The following DISC1 variants were observed in gnomAD, a reference collection of about 807,000 sequenced individuals.
The protein encoded by DISC1 is DISC1 scaffold protein.
In DISC1, 57 loss-of-function variants were observed where a neutral mutation model predicts 84.5. The observed-to-expected ratio is 0.67, with a 90% confidence interval of 0.55 to 0.84. The LOEUF is 0.84. DISC1 is among the 40% of genes least tolerant of loss of function. The probability of loss-of-function intolerance (pLI) is 0.00; values close to 1 mark genes in which losing one functional copy is unlikely to be tolerated. For synonymous variants in DISC1, 411 were observed against 415.2 expected (o/e 0.99, Z 0.12); for missense variants, 1,000 against 1,057.8 (o/e 0.95, Z 0.76).
intron 8 of DISC1, among the ~76,000 whole-genome samples, chr1:231,807,899 A>G (rs2079875901): frequency 6.6e-6 from 1 of 152,216 alleles, no homozygotes; most frequent in South Asian, 2.1e-4. Flanking sequence ...TATCCAGGGC[A>G]CCCAAGCTGC....
chr1:231,707,624 T>G (rs200769719), intron 3 of DISC1, among the ~76,000 whole-genome samples: 9 of 152,178 alleles, frequency 5.9e-5, no homozygotes, highest in Non-Finnish European at 1.3e-4. Context: ...CTGCCCTTAA[T>G]TTACAGAATT....
chr1:231,720,447 TCC>T (rs2069501183), intron 3 of DISC1, among the ~76,000 whole-genome samples: 1 of 152,164 alleles, frequency 6.6e-6, no homozygotes, highest in Non-Finnish European at 1.5e-5. Context: ...TAGGCGATCC[TCC>T]TGCCTCAGCC....
At chr1:231,894,745 TTGTGTGTGTGTGTG>T (rs3222846) in intron 9 of DISC1, among the ~76,000 whole-genome samples, 9 of 144,486 alleles carry the variant, frequency 6.2e-5, no homozygotes, top group East Asian at 2.1e-4. Flanking sequence ...GTGTCATCTG[TTGTGTGTGTGTGTG>T]TGTGTGTGTG....
At chr1:231,707,713 TTATGA>T (rs2067260321) in intron 3 of DISC1, among the ~76,000 whole-genome samples, 1 of 137,618 alleles carries the variant, frequency 7.3e-6, no homozygotes, top group Non-Finnish European at 1.7e-5. Context: ...TTTCCTCTTT[TTATGA>T]TATGTTTGTT....
rs762995357 is a variant in DISC1 at position 232,036,763 on chromosome 1, A to C, written c.2497A>C (p.Lys833Gln). The C allele has an allele frequency of 4.7e-5, 76 of 1,607,264 alleles. No individual in the cohort carries two copies. Among genetic ancestry groups the C allele is most frequent in the Non-Finnish European group, 6.4e-5 (75 of 1,175,586 alleles). The change falls in exon 13 of 13, where the codon AAG becomes CAG. Residue 833 changes from lysine (K) to glutamine (Q), a missense_variant. By Grantham distance (53) the Lys-to-Gln change is moderately conservative. This residue lies in a region of DISC1 where 397 missense variants were observed against 377.5 expected (regional missense o/e 1.05). Coordinates refer to ENST00000439617, the MANE Select transcript of DISC1 (RefSeq NM_018662.3). ...QAMILQLQPAKEAGEREAAAS... is the reference protein window; with the variant it reads ...QAMILQLQPAQEAGEREAAAS... ...CATGATCCTGCAGCTCCAGCCAGCA[A>C]AGGAGGCGGGAGAAAGAGAAGCTGC...
intron 8 of DISC1, among the ~76,000 whole-genome samples, chr1:231,816,902 ATTC>A (rs2081052360): frequency 6.7e-6 from 1 of 150,296 alleles, no homozygotes; most frequent in African/African-American, 2.5e-5. Context: ...ATTCTTCTTC[ATTC>A]TTCTTCGTCT....
intron 10 of DISC1, among the ~76,000 whole-genome samples, chr1:231,988,333 C>A (rs538425449): frequency 2.0e-4 from 31 of 152,188 alleles, no homozygotes; most frequent in Non-Finnish European, 3.8e-4. Flanking sequence ...TAATAATATT[C>A]CCCAAGTGAT....
intron 9 of DISC1, among the ~76,000 whole-genome samples, chr1:231,848,316 G>A (rs1168482010): frequency 1.3e-5 from 2 of 152,140 alleles, no homozygotes; most frequent in Non-Finnish European, 2.9e-5. Flanking sequence ...TGCAGTGTTT[G>A]CACATAGAAG....
chr1:231,792,120 T>C (rs997035953), intron 6 of DISC1, among the ~76,000 whole-genome samples: 1 of 152,192 alleles, frequency 6.6e-6, no homozygotes, highest in African/African-American at 2.4e-5. Flanking sequence ...ACAACTAATG[T>C]TAATAGTAGC....
intron 10 of DISC1, among the ~76,000 whole-genome samples, chr1:232,002,595 G>GCA (rs55740228): frequency 0.14 from 19,391 of 143,336 alleles, 1,385 homozygotes; most frequent in Middle Eastern, 0.26. Context: ...ATTATGCTGA[G>GCA]CACACACACA....
intron 9 of DISC1, among the ~76,000 whole-genome samples, chr1:231,827,749 G>A (rs541577746): frequency 5.9e-5 from 9 of 152,308 alleles, no homozygotes; most frequent in Admixed American, 1.3e-4. Context: ...GATGGCCACT[G>A]TGTCTAATCC....
intron 8 of DISC1, among the ~76,000 whole-genome samples, chr1:231,801,869 A>G (rs1285542094): frequency 5.3e-5 from 8 of 150,138 alleles, no homozygotes; most frequent in African/African-American, 1.7e-4. Context: ...CCCAGGCTAG[A>G]GTGCAATGGC....
intron 10 of DISC1, among the ~76,000 whole-genome samples, chr1:231,977,198 G>T (rs1295404045): frequency 1.3e-5 from 2 of 152,150 alleles, no homozygotes; most frequent in African/African-American, 4.8e-5. Flanking sequence ...CCTCCCACCT[G>T]CTTTCCTACC....
intron 1 of DISC1, among the ~76,000 whole-genome samples, chr1:231,632,353 C>T (rs1359811641): frequency 6.6e-6 from 1 of 152,190 alleles, no homozygotes; most frequent in Non-Finnish European, 1.5e-5. Flanking sequence ...TGTGCTTGCT[C>T]ATCATAAAAA....
At chr1:231,802,249 G>A (rs2079328146) in intron 8 of DISC1, among the ~76,000 whole-genome samples, 1 of 152,138 alleles carries the variant, frequency 6.6e-6, no homozygotes, top group Non-Finnish European at 1.5e-5. Context: ...GGAGGTGTTT[G>A]GATCATGAGG....
chr1:231,820,684 G>A (rs536862617), intron 9 of DISC1, among the ~76,000 whole-genome samples: 1 of 152,206 alleles, frequency 6.6e-6, no homozygotes, highest in South Asian at 2.1e-4. Flanking sequence ...GCATGTCCAA[G>A]TCCAGTCAGA....
intron 9 of DISC1, among the ~76,000 whole-genome samples, chr1:231,856,020 T>C (rs1162324635): frequency 6.6e-6 from 1 of 152,204 alleles, no homozygotes; most frequent in Non-Finnish European, 1.5e-5. Flanking sequence ...TCTACCTTTG[T>C]TTTTGGCTTG....
chr1:231,627,982 T>C (rs1174206965), intron 1 of DISC1, among the ~76,000 whole-genome samples: 1 of 152,214 alleles, frequency 6.6e-6, no homozygotes, highest in Non-Finnish European at 1.5e-5. Context: ...AGGGTTGTTA[T>C]GCGGTTTAAC....
At chr1:231,935,621 G>GT (rs2090937377) in intron 9 of DISC1, among the ~76,000 whole-genome samples, 1 of 152,202 alleles carries the variant, frequency 6.6e-6, no homozygotes, top group Non-Finnish European at 1.5e-5. Context: ...AATTCGGTGA[G>GT]TAGAGGGACT....
Sources: gnomAD v4.1 joint callset for allele counts (sites outside exome capture counted in the v4.1 genomes callset) on GRCh38, gnomAD v4.1.1 for gene constraint, gnomAD v4.1.1 regional missense constraint, MANE v1.5 for transcripts, NCBI Gene and HGNC (gene_info 2026-07-23, HGNC 2026-07-21) for gene names.